The following WNK2 variants were observed in gnomAD, a reference collection of about 807,000 sequenced individuals.
WNK2 encodes the protein WNK lysine deficient protein kinase 2.
In WNK2, 67 loss-of-function variants were observed where a neutral mutation model predicts 192.1. That is an observed-to-expected ratio of 0.35 (90% confidence interval 0.29 to 0.43). The LOEUF (loss-of-function observed/expected upper bound fraction) is 0.43. Ranked by LOEUF, WNK2 falls within the 20% of genes least tolerant of loss-of-function variation. WNK2 has a pLI of 1.00. For missense variants in WNK2, 2,698 were observed against 3,089.7 expected, an observed-to-expected ratio of 0.87 and a Z score of 3.01; for synonymous variants, 1,439 against 1,393.9, an observed-to-expected ratio of 1.03 and a Z score of -0.72.
chr9:93,250,014 A>G (rs1174057590), intron 8 of WNK2, among the ~76,000 whole-genome samples: 1 of 144,376 alleles, frequency 6.9e-6, no homozygotes, highest in Admixed American at 7.3e-5. Flanking sequence ...CCTGGGTTCA[A>G]GTGATTCTTC....
intron 2 of WNK2, among the ~76,000 whole-genome samples, chr9:93,193,846 C>T (rs1007662293): frequency 3.3e-5 from 5 of 152,130 alleles, no homozygotes; most frequent in African/African-American, 1.2e-4. Flanking sequence ...ATTATATTAA[C>T]ATTTTTTAAA....
intron 2 of WNK2, among the ~76,000 whole-genome samples, chr9:93,217,160 T>C (rs942224136): frequency 8.5e-5 from 13 of 152,152 alleles, no homozygotes; most frequent in Admixed American, 7.2e-4. Flanking sequence ...GGTTTCACCA[T>C]GTTGGCCAGG....
chr9:93,291,949 G>C (rs775089738), intron 21 of WNK2, among the ~76,000 whole-genome samples: 20 of 152,192 alleles, frequency 1.3e-4, no homozygotes, highest in Admixed American at 2.6e-4. Context: ...TGCGCTGTGG[G>C]ACCCTCTCAC....
chr9:93,262,838 A>C, intron 14 of WNK2, 119 bp downstream of exon 14: 1 of 1,162,158 alleles, frequency 8.6e-7, no homozygotes, highest in Non-Finnish European at 1.2e-6. Context: ...CCCTGATGCC[A>C]TTAGGGGTTT....
chr9:93,290,051 A>G lies in WNK2; in HGVS notation c.4936+4A>G, dbSNP rs779593593. On this transcript the variant is annotated splice_donor_region_variant and intron_variant, in intron 21 of 29. Transcript: ENST00000427277. ...GGCACGTCCTCGTCAATGACAGGTA[A>G]CAGCTTCCTGCTGAACCCTGCGTTC... is the stretch of plus-strand genomic sequence containing the variant. 4.0e-5 allele frequency: 62 copies of G among 1,563,366 alleles called. No homozygotes were observed. The highest frequency in any genetic ancestry group is 5.2e-5 in the Non-Finnish European group (60 of 1,153,302).
chr9:93,317,218 A>T, intron 28 of WNK2: 1 of 516,198 alleles, frequency 1.9e-6, no homozygotes, highest in Non-Finnish European at 3.5e-6. Flanking sequence ...GGGGTCACTC[A>T]TGCGCCCTCA....
chr9:93,190,428 G>A (rs550182308), intron 2 of WNK2, among the ~76,000 whole-genome samples: 3 of 152,360 alleles, frequency 2.0e-5, no homozygotes, highest in African/African-American at 7.2e-5. Context: ...GCTGAATCAG[G>A]ACCAGGCCAC....
At chr9:93,266,138 G>A (rs1845127210) in intron 16 of WNK2, among the ~76,000 whole-genome samples, 2 of 152,168 alleles carry the variant, frequency 1.3e-5, no homozygotes, top group African/African-American at 4.8e-5. Context: ...TGGCTCCAGA[G>A]GTTCGAGTTG....
At chr9:93,240,033 C>T in intron 7 of WNK2, 57 bp downstream of exon 7, 1 of 1,541,244 alleles carries the variant, frequency 6.5e-7, no homozygotes, top group Admixed American at 1.9e-5. Context: ...TCGTGGTTTC[C>T]AAGGATGAGA....
chr9:93,221,418 C>G (rs1444457544), intron 2 of WNK2, among the ~76,000 whole-genome samples: 1 of 152,208 alleles, frequency 6.6e-6, no homozygotes, highest in Non-Finnish European at 1.5e-5. Flanking sequence ...ATGACAGACT[C>G]TCTCCACCCG....
intron 19 of WNK2, among the ~76,000 whole-genome samples, chr9:93,271,891 A>G (rs1028499534): frequency 6.6e-6 from 1 of 152,246 alleles, no homozygotes; most frequent in African/African-American, 2.4e-5. Context: ...AAAATTATGC[A>G]TTACCTAGAT....
At chr9:93,272,461 A>G (rs1035333585) in intron 19 of WNK2, among the ~76,000 whole-genome samples, 11 of 152,214 alleles carry the variant, frequency 7.2e-5, no homozygotes, top group African/African-American at 2.4e-4. Context: ...TCAAAGGCCG[A>G]GCATGGTGGC....
At chr9:93,302,898 A>C (rs1243027427) in intron 26 of WNK2, among the ~76,000 whole-genome samples, 1 of 150,078 alleles carries the variant, frequency 6.7e-6, no homozygotes, top group Non-Finnish European at 1.5e-5. Context: ...GGGAGCTCAC[A>C]TGACCCAGTG....
intron 2 of WNK2, among the ~76,000 whole-genome samples, chr9:93,224,751 T>G (rs1837519676): frequency 6.6e-6 from 1 of 152,152 alleles, no homozygotes; most frequent in African/African-American, 2.4e-5. Context: ...TGGTGCTGAT[T>G]GACCTTACCC....
chr9:93,204,447 C>T (rs1833016021), intron 2 of WNK2, among the ~76,000 whole-genome samples: 1 of 152,194 alleles, frequency 6.6e-6, no homozygotes, highest in Non-Finnish European at 1.5e-5. Flanking sequence ...AAAGGCGGGG[C>T]CAGCCCTCGG....
In WNK2 at chr9:93,262,744, G is replaced by A. The variant is rs59383351; in HGVS notation, c.3410+25G>A. On this transcript the variant is annotated intron_variant, in intron 14 of 29. Transcript: ENST00000427277. ...GGTAGTGTGGCCCAGCCTCGACCTC[G>A]CAGGACGGGTGTAGGGGCGCAGGCC... 8,006 of 1,610,578 alleles carry A rather than the reference G, an allele frequency of 5.0e-3. 352 individuals are homozygous for A. The African/African-American group carries it at 0.094, about 19-fold the overall frequency.
At chr9:93,304,951 A>G (rs1394609104) in intron 26 of WNK2, among the ~76,000 whole-genome samples, 3 of 152,160 alleles carry the variant, frequency 2.0e-5, no homozygotes, top group Non-Finnish European at 4.4e-5. Flanking sequence ...TCCGTGGGCC[A>G]GGGTTGCTCC....
At chr9:93,240,102 G>A (rs989253871) in intron 7 of WNK2, 126 bp downstream of exon 7, 19 of 1,009,648 alleles carry the variant, frequency 1.9e-5, no homozygotes, top group African/African-American at 8.0e-5. Context: ...TGGGTGTGGC[G>A]GTGCCATCCA....
Position 93,235,858 on chromosome 9 carries a change from G to C in WNK2, c.1233+893G>C, listed in dbSNP as rs530324460. On this transcript the variant is annotated intron_variant, in intron 5 of 29. Transcript: ENST00000427277. ...GCACCAGGGGCTGTGGTCCTCAGCA[G>C]CTGCACAGCCTCACTCTGACCCATC... Among the ~76,000 whole-genome samples the C allele has an allele frequency of 3.0e-3, 455 of 152,358 alleles. 3 individuals carry two copies. The highest frequency in any genetic ancestry group is 0.011 in the African/African-American group (444 of 41,586).
Sources: gnomAD v4.1 joint callset for allele counts (sites outside exome capture counted in the v4.1 genomes callset) on GRCh38, gnomAD v4.1.1 for gene constraint, MANE v1.5 for transcripts, NCBI Gene and HGNC (gene_info 2026-07-23, HGNC 2026-07-21) for gene names.